SORCS1: variants seen among roughly 807,000 people sequenced by gnomAD.
SORCS1 encodes VPS10 domain-containing receptor SorCS1.
In SORCS1, 60 loss-of-function variants were observed where a neutral mutation model predicts 146.1. The ratio of observed to expected loss-of-function variants is 0.41; its 90% confidence interval spans 0.33 to 0.51. SORCS1 has a LOEUF of 0.51. SORCS1 is among the 20% of genes least tolerant of loss of function. SORCS1 has a pLI of 0.21. For missense variants in SORCS1, 1,352 were observed against 1,487.6 expected, an observed-to-expected ratio of 0.91 and a Z score of 1.50; for synonymous variants, 637 against 584.0, an observed-to-expected ratio of 1.09 and a Z score of -1.31.
intron 24 of SORCS1, among the ~76,000 whole-genome samples, chr10:106,585,614 T>C (rs1475311426): frequency 6.6e-6 from 1 of 152,204 alleles, no homozygotes; most frequent in Non-Finnish European, 1.5e-5. Flanking sequence ...GTCTAAACTT[T>C]GTGCAATGAG....
intron 5 of SORCS1, among the ~76,000 whole-genome samples, chr10:106,731,711 G>A (rs1327402677): frequency 6.6e-6 from 1 of 151,916 alleles, no homozygotes; most frequent in Non-Finnish European, 1.5e-5. Context: ...TCCCCCAACA[G>A]ACACACACAC....
chr10:106,876,641 G>C lies in SORCS1; in HGVS notation c.627-46968C>G, dbSNP rs997169885. ...GTGGAATGACGGACAGGATGCCCAA[G>C]TGGTCTGGCATCAGAGTCCATGAGC... On this transcript the variant is annotated intron_variant, in intron 2 of 25. Coordinates refer to ENST00000263054, the MANE Select transcript of SORCS1 (RefSeq NM_052918.5). 2.6e-4 allele frequency among the ~76,000 whole-genome samples: 39 copies of C among 152,232 alleles called. 2 individuals are homozygous for C. Among genetic ancestry groups the C allele is most frequent in the Non-Finnish European group, 2.9e-5 (2 of 68,048 alleles).
chr10:106,628,896 A>C (rs1848261615), intron 19 of SORCS1, among the ~76,000 whole-genome samples: 1 of 152,176 alleles, frequency 6.6e-6, no homozygotes, highest in Non-Finnish European at 1.5e-5. Flanking sequence ...GTTTCAACCA[A>C]ATAGCTCTGC....
rs543457012 is a variant in SORCS1 at position 106,949,522 on chromosome 10, G to A, written c.626+6991C>T. On this transcript the variant is annotated intron_variant, in intron 2 of 25. Coordinates refer to ENST00000263054, the MANE Select transcript of SORCS1 (RefSeq NM_052918.5). ...ATCCCTACACAGCCTCTGACTCAAG[G>A]CCATTATTCACAAACACTACTGGGG... Among the ~76,000 whole-genome samples the A allele has an allele frequency of 3.3e-5, 5 of 152,250 alleles. No individual in the cohort carries two copies. The South Asian group carries it at 1.0e-3, about 32-fold the overall frequency.
At chr10:106,650,754 T>C (rs961962741) in intron 18 of SORCS1, among the ~76,000 whole-genome samples, 1 of 152,182 alleles carries the variant, frequency 6.6e-6, no homozygotes, top group Non-Finnish European at 1.5e-5. Flanking sequence ...AAGGAAAATA[T>C]AGCATAAAAT....
At chr10:106,727,287 T>C (rs536233306) in intron 6 of SORCS1, among the ~76,000 whole-genome samples, 1 of 152,280 alleles carries the variant, frequency 6.6e-6, no homozygotes, top group African/African-American at 2.4e-5. Context: ...ATGCCATCAT[T>C]CAACATATGC....
At chr10:106,843,758 A>C (rs953695435) in intron 2 of SORCS1, among the ~76,000 whole-genome samples, 1 of 152,162 alleles carries the variant, frequency 6.6e-6, no homozygotes, top group Admixed American at 6.6e-5. Flanking sequence ...TCTAAGGTTG[A>C]ATCATATTCT....
chr10:107,090,733 C>G (rs76351612), intron 1 of SORCS1, among the ~76,000 whole-genome samples: 5 of 152,078 alleles, frequency 3.3e-5, no homozygotes, highest in Admixed American at 6.6e-5. Flanking sequence ...ATTGACTATA[C>G]GCATAATTTG....
At chr10:107,179,943 G>A in the SORCS1 span, among the ~76,000 whole-genome samples, 3 of 113,034 alleles carry the variant, frequency 2.7e-5, no homozygotes, top group Non-Finnish European at 4.9e-5. Context: ...TTGAGACGGG[G>A]TCTCTCTCTG....
intron 19 of SORCS1, among the ~76,000 whole-genome samples, chr10:106,623,144 C>T (rs1847860753): frequency 6.6e-6 from 1 of 152,000 alleles, no homozygotes; most frequent in African/African-American, 2.4e-5. Context: ...GTCCCTCAAT[C>T]TGCGTTAAAT....
chr10:107,104,344 T>A (rs964798869), intron 1 of SORCS1, among the ~76,000 whole-genome samples: 1 of 152,212 alleles, frequency 6.6e-6, no homozygotes, highest in African/African-American at 2.4e-5. Context: ...AAGTTCCTAT[T>A]ATCCACTAGT....
intron 2 of SORCS1, among the ~76,000 whole-genome samples, chr10:106,870,404 A>T (rs1354522665): frequency 6.6e-6 from 1 of 152,214 alleles, no homozygotes; most frequent in African/African-American, 2.4e-5. Flanking sequence ...AATAGAACAA[A>T]GCTGGAGGCA....
rs573384522 is a variant in SORCS1 at position 106,773,068 on chromosome 10, G to A, written c.885+3466C>T. Among the ~76,000 whole-genome samples the A allele has an allele frequency of 2.6e-5, 4 of 152,258 alleles. No homozygotes were observed. The East Asian group carries it at 7.7e-4, about 29-fold the overall frequency. On this transcript the variant is annotated intron_variant, in intron 4 of 25. Coordinates refer to ENST00000263054, the MANE Select transcript of SORCS1 (RefSeq NM_052918.5). ...AGAAAAGAGGAGGACCCTGTTCATAGGAATTGCCACCTCAATAATGCATTT... is the reference window on the plus strand; with the variant it reads ...AGAAAAGAGGAGGACCCTGTTCATAAGAATTGCCACCTCAATAATGCATTT...
chr10:106,612,985 C>T (rs984354777), intron 21 of SORCS1, among the ~76,000 whole-genome samples: 25 of 149,058 alleles, frequency 1.7e-4, no homozygotes, highest in East Asian at 3.9e-4. Flanking sequence ...TACCCTCCCC[C>T]GGCTCACTAC....
chr10:106,934,686 A>G (rs1314958006), intron 2 of SORCS1, among the ~76,000 whole-genome samples: 1 of 152,258 alleles, frequency 6.6e-6, no homozygotes, highest in African/African-American at 2.4e-5. Flanking sequence ...GATTGAGTGT[A>G]TAAAGAAAAT....
In SORCS1 at chr10:106,878,620, G is replaced by GTATATATATATA. The variant is rs3982430; in HGVS notation, c.627-48959_627-48948dup. ...AAATTTGTTTTTTATAAACTACCTA[G>GTATATATATATA]TATATATATATATATATATATATAT... On this transcript the variant is annotated intron_variant, in intron 2 of 25. Coordinates refer to ENST00000263054, the MANE Select transcript of SORCS1 (RefSeq NM_052918.5). 4.6e-3 allele frequency among the ~76,000 whole-genome samples: 390 copies of GTATATATATATA among 84,888 alleles called. 11 individuals are homozygous for GTATATATATATA. In the East Asian group the frequency reaches 0.053, roughly 12 times the overall value. The allele number at this position is 84,888 out of a possible 152,430, so 55.7% of individuals were successfully genotyped here. A position where few individuals can be genotyped will look rare whatever the true frequency, so the allele number is the denominator to read the frequency against.
At chr10:106,881,872 T>C (rs1285902086) in intron 2 of SORCS1, among the ~76,000 whole-genome samples, 1 of 152,230 alleles carries the variant, frequency 6.6e-6, no homozygotes, top group Non-Finnish European at 1.5e-5. Context: ...AACATTCTAT[T>C]GTATGCCATA....
rs372432641 is a variant in SORCS1 at position 106,994,216 on chromosome 10, T to C, written c.559-37636A>G. Among the ~76,000 whole-genome samples the C allele has an allele frequency of 2.0e-5, 3 of 152,296 alleles. No individual in the cohort carries two copies. In the East Asian group the frequency reaches 5.8e-4, roughly 29 times the overall value. On this transcript the variant is annotated intron_variant, in intron 1 of 25. Transcript: ENST00000263054. ...AAGGACTTTCAGGAAACCTGCATGA[T>C]ACTGAAATTCTCTTACCTACAAAAT...
intron 8 of SORCS1, among the ~76,000 whole-genome samples, chr10:106,704,815 T>C (rs1456927439): frequency 6.6e-6 from 1 of 152,220 alleles, no homozygotes; most frequent in Non-Finnish European, 1.5e-5. Context: ...TGTCATTACA[T>C]TGAGGATAAT....
Sources: gnomAD v4.1 joint callset for allele counts (sites outside exome capture counted in the v4.1 genomes callset) on GRCh38, gnomAD v4.1.1 for gene constraint, MANE v1.5 for transcripts, NCBI Gene and HGNC (gene_info 2026-07-23, HGNC 2026-07-21) for gene names.